The following CKMT1B variants were observed in gnomAD, a reference collection of about 807,000 sequenced individuals.
The protein encoded by CKMT1B is creatine kinase, mitochondrial 1B, also known as creatine kinase U-type, mitochondrial.
A neutral mutation model predicts 21.8 loss-of-function variants in CKMT1B; 13 were observed. The observed-to-expected ratio is 0.60, with a 90% CI of 0.39 to 0.95. The LOEUF (loss-of-function observed/expected upper bound fraction) is 0.95. Ranked by LOEUF, CKMT1B falls within the 40% of genes least tolerant of loss-of-function variation. CKMT1B has a pLI of 0.00. For missense variants in CKMT1B, 157 were observed against 227.5 expected (o/e 0.69, Z 1.99); for synonymous variants, 50 against 80.3 (o/e 0.62, Z 2.02).
At position 43,599,112 on chromosome 15, in the gene CKMT1B, A is replaced by G. The variant is rs1451409110; in HGVS notation, c.1138-45A>G. On this transcript the variant is annotated intron_variant, in intron 8 of 8. Coordinates refer to ENST00000441322, the MANE Select transcript of CKMT1B (RefSeq NM_001375484.1). ...CAGGCAAGTCAGTCAGTGATAAAGA[A>G]AAACTCAGACTGTAGGAAGCAGATC... The G allele has an allele frequency of 8.7e-6, 14 of 1,610,028 alleles. No homozygotes were observed. In the East Asian group the frequency reaches 3.1e-4, roughly 36 times the overall value.
rs1234728802 is a variant in CKMT1B, at chr15:43,599,164, T to C, written c.1145T>C (p.Leu382Pro). Residue 382 changes from leucine (L) to proline (P), a missense_variant, in exon 9 of 9, where the codon CTG (leucine) becomes CCG (proline). Physicochemically the swap from Leu to Pro is moderately conservative, Grantham distance 98 (BLOSUM62 -3). Transcript: ENST00000441322. ...LDRLGKSEVELVQLVIDGVNY... is the reference protein window; with the variant it reads ...LDRLGKSEVEPVQLVIDGVNY... Reference sequence around the variant, plus strand: ...AAGATTAGTGTCCCTTAGGTGGAGCTGGTGCAACTGGTCATCGATGGAGTA... The same window carrying C: ...AAGATTAGTGTCCCTTAGGTGGAGCCGGTGCAACTGGTCATCGATGGAGTA... 8.7e-6 allele frequency: 14 copies of C among 1,613,712 alleles called. 1 individual carries two copies. The highest frequency in any genetic ancestry group is 1.2e-5 in the Non-Finnish European group (14 of 1,179,862).
rs572360090 is a variant in CKMT1B, at chr15:43,597,881, A to C, written c.877-312A>C. ...TGCAGACCTCATTGAATAATCAGTC[A>C]TCTCTCAGTTCAGTTTACCACCTCT... On this transcript the variant is annotated intron_variant, in intron 6 of 8. Transcript: ENST00000441322. 247 of 1,273,692 alleles carry C rather than the reference A, an allele frequency of 1.9e-4. 3 individuals are homozygous for C. Among genetic ancestry groups the C allele is most frequent in the East Asian group, 1.9e-3 (48 of 25,358 alleles). 78.9% of individuals were successfully genotyped at this position (1,273,692 alleles called of 1,614,324 possible).
At chr15:43,599,106 T>A (rs373836151) in intron 8 of CKMT1B, 51 bp from the exon 9 acceptor site, 1 of 1,608,356 alleles carries the variant, frequency 6.2e-7, no homozygotes, top group African/African-American at 1.3e-5. Flanking sequence ...CAGTCAGTGA[T>A]AAAGAAAAAC....
chr15:43,596,626 G>A, intron 6 of CKMT1B, 95 bp downstream of exon 6: 3 of 1,582,078 alleles, frequency 1.9e-6, no homozygotes, highest in Non-Finnish European at 2.6e-6. Flanking sequence ...ACCAACCCAG[G>A]ACATGTCTTA....
intron 6 of CKMT1B, chr15:43,597,284 C>A: frequency 2.1e-6 from 1 of 479,508 alleles, no homozygotes; most frequent in Non-Finnish European, 3.3e-6. Context: ...ATAACATATT[C>A]TGACTATGAG....
intron 6 of CKMT1B, chr15:43,597,807 G>A: frequency 2.8e-6 from 3 of 1,072,524 alleles, no homozygotes; most frequent in Non-Finnish European, 3.4e-6. Flanking sequence ...TGTCTGAAGG[G>A]ACCCTTCTAA....
chr15:43,598,637 T>C (rs1031978788), intron 7 of CKMT1B, among the ~76,000 whole-genome samples, 190 bp from the exon 8 acceptor site: 2 of 147,940 alleles, frequency 1.4e-5, no homozygotes, highest in Non-Finnish European at 3.0e-5. Flanking sequence ...AAGTCGAGGC[T>C]TCAGTGAGCT....
rs1228478286 is a variant in CKMT1B at position 43,596,459 on chromosome 15, A to G, written c.804A>G (p.Thr268=). 2 of 1,596,936 alleles carry G rather than the reference A, an allele frequency of 1.3e-6. No individual in the cohort carries two copies. Among genetic ancestry groups the G allele is most frequent in the South Asian group, 1.1e-5 (1 of 90,488 alleles). The change falls in exon 6 of 9, where the codon ACA becomes ACG. Residue 268 remains threonine (T), a synonymous_variant. Coordinates refer to ENST00000441322, the MANE Select transcript of CKMT1B (RefSeq NM_001375484.1). ...FLIWVNEEDH[T]RVISMEKGGN... ...TCTGGGTGAATGAGGAGGATCATAC[A>G]CGGGTGATCTCCATGGAGAAGGGTG...
Position 43,598,218 on chromosome 15 carries a change from G to A in CKMT1B, c.902G>A (p.Gly301Asp). ...GTGGAGAGACTTATCCAAGAACGTGGCTGGGAGTTCATGTGGAATGAGCGT... is the reference window on the plus strand; with the variant it reads ...GTGGAGAGACTTATCCAAGAACGTGACTGGGAGTTCATGTGGAATGAGCGT... Reference protein sequence around the residue: ...KEVERLIQERGWEFMWNERLG... With the variant: ...KEVERLIQERDWEFMWNERLG... The change falls in exon 7 of 9, where the codon GGC (glycine) becomes GAC (aspartate). Residue 301 changes from glycine to aspartate, a missense_variant. Physicochemically the swap from Gly to Asp is moderately conservative, Grantham distance 94. Coordinates refer to ENST00000441322, the MANE Select transcript of CKMT1B (RefSeq NM_001375484.1). The A allele has an allele frequency of 6.2e-7, 1 of 1,608,324 alleles. No homozygotes were observed. The highest frequency in any genetic ancestry group is 8.5e-7 in the Non-Finnish European group (1 of 1,179,648).
At position 43,599,228 on chromosome 15, in the gene CKMT1B, C is replaced by G. The variant is rs144820945; in HGVS notation, c.1209C>G (p.Gly403=). 28,437 of 1,613,382 alleles carry G rather than the reference C, an allele frequency of 0.018. 1,725 individuals are homozygous for G. Among genetic ancestry groups the G allele is most frequent in the East Asian group, 0.15 (6,881 of 44,844 alleles). ...LIDCERRLER[G]QDIRIPTPVI... is the part of the protein sequence containing the mutation. ...ATTGTGAACGGCGTCTGGAGAGAGG[C>G]CAGGATATCCGCATCCCCACACCTG... The change falls in exon 9 of 9, where the codon GGC becomes GGG. Residue 403 remains glycine (G), a synonymous_variant. Transcript: ENST00000441322.
intron 6 of CKMT1B, 176 bp from the exon 7 acceptor site, chr15:43,598,017 C>G (rs2085603121): frequency 7.2e-7 from 1 of 1,387,812 alleles, no homozygotes; most frequent in Admixed American, 2.9e-5. Flanking sequence ...TTGCATCATG[C>G]ATGCATGAAA....
Position 43,598,002 on chromosome 15 carries a change from T to C in CKMT1B, c.877-191T>C, listed in dbSNP as rs548812193. 1.5e-5 allele frequency: 21 copies of C among 1,393,890 alleles called. 1 individual carries two copies. The highest frequency in any genetic ancestry group is 2.0e-5 in the Non-Finnish European group (21 of 1,067,844). 86.3% of individuals were successfully genotyped at this position (1,393,890 alleles called of 1,614,324 possible). ...CACAATCTCATTATTATGCACATCA[T>C]AATTTTGCATCATGCATGCATGAAA... On this transcript the variant is annotated intron_variant, in intron 6 of 8. Coordinates refer to ENST00000441322, the MANE Select transcript of CKMT1B (RefSeq NM_001375484.1).
chr15:43,596,092 AG>A lies in CKMT1B; in HGVS notation c.666+18del. On this transcript the variant is annotated intron_variant, in intron 4 of 8. Coordinates refer to ENST00000441322, the MANE Select transcript of CKMT1B (RefSeq NM_001375484.1). Reference sequence around the variant, plus strand: ...AGCTTATTGATGTGAGGGCCTTAAGAGGGTGCTGGTTGGTGGGAGCAGATGG... The same window carrying A: ...AGCTTATTGATGTGAGGGCCTTAAGAGGTGCTGGTTGGTGGGAGCAGATGG... 3.5e-6 allele frequency: 1 copy of A among 286,558 alleles called. No homozygotes were observed. The highest frequency in any genetic ancestry group is 5.9e-6 in the Non-Finnish European group (1 of 170,364). The allele number at this position is 286,558 out of a possible 1,614,324, so 17.8% of individuals were successfully genotyped here.
chr15:43,597,642 A>T, intron 6 of CKMT1B: 1 of 890,264 alleles, frequency 1.1e-6, no homozygotes, highest in Non-Finnish European at 1.4e-6. Flanking sequence ...CTACATGGTT[A>T]AGTGAAGCCA....
chr15:43,599,086 G>A, intron 8 of CKMT1B, 71 bp from the exon 9 acceptor site: 1 of 1,595,858 alleles, frequency 6.3e-7, no homozygotes, highest in Non-Finnish European at 8.6e-7. Context: ...TTGGAAATGA[G>A]CAGGCAAGTC....
chr15:43,599,310 A>G lies in CKMT1B; in HGVS notation c.*37A>G, dbSNP rs751600591. The G allele has an allele frequency of 3.7e-6, 6 of 1,613,456 alleles. No homozygotes were observed. The Admixed American group carries it at 5.0e-5, about 13-fold the overall frequency. ...CAGCTGATGACTCAAGATTCCCAGG[A>G]GTTCTGCTCATTCTAATGATGGCCC... On this transcript the variant is annotated 3_prime_UTR_variant, in exon 9 of 9. Transcript: ENST00000441322.
At chr15:43,597,728 A>G in intron 6 of CKMT1B, 1 of 1,022,398 alleles carries the variant, frequency 9.8e-7, no homozygotes, top group Non-Finnish European at 1.2e-6. Context: ...GCATTCACAC[A>G]GGTGCTCCGT....
At chr15:43,598,591 G>T (rs1215796289) in intron 7 of CKMT1B, among the ~76,000 whole-genome samples, 3 of 148,658 alleles carry the variant, frequency 2.0e-5, no homozygotes, top group African/African-American at 2.6e-5. Flanking sequence ...GCTGGGTGTA[G>T]TGGAGGCTGA....
rs1372037477 is a variant in CKMT1B at position 43,596,540 on chromosome 15, A to G, written c.876+9A>G. On this transcript the variant is annotated intron_variant, in intron 6 of 8. Transcript: ENST00000441322. ...GCCGAGGCCTCAAAGAGGTTAGAGAAGACTATGTAGGGGAGCTAGGTGGGA... is the reference window on the plus strand; with the variant it reads ...GCCGAGGCCTCAAAGAGGTTAGAGAGGACTATGTAGGGGAGCTAGGTGGGA... 2 of 1,608,100 alleles carry G rather than the reference A, an allele frequency of 1.2e-6. No individual in the cohort carries two copies. The highest frequency in any genetic ancestry group is 1.7e-5 in the Admixed American group (1 of 59,894).
Sources: gnomAD v4.1 joint callset for allele counts (sites outside exome capture counted in the v4.1 genomes callset) on GRCh38, gnomAD v4.1.1 for gene constraint, MANE v1.5 for transcripts, NCBI Gene and HGNC (gene_info 2026-07-23, HGNC 2026-07-21) for gene names.